Variants in EXOC2 observed in about 807,000 individuals in gnomAD.
EXOC2 encodes exocyst complex component 2, also known as SEC5-like 1.
In EXOC2, 70 loss-of-function variants were observed where a neutral mutation model predicts 131.8. The ratio of observed to expected loss-of-function variants is 0.53; its 90% confidence interval spans 0.44 to 0.65. The LOEUF is 0.65. EXOC2 is among the 30% of genes least tolerant of loss of function. The probability of loss-of-function intolerance (pLI) is 0.00; values close to 1 mark genes in which losing one functional copy is unlikely to be tolerated. For synonymous variants in EXOC2, 411 were observed against 398.4 expected (o/e 1.03, Z -0.38); for missense variants, 923 against 1,108.6 (o/e 0.83, Z 2.38).
At chr6:690,510 GGATCGCGACGGTGAAACCCC>G (rs1764872043) in intron 1 of EXOC2, among the ~76,000 whole-genome samples, 1 of 152,030 alleles carries the variant, frequency 6.6e-6, no homozygotes, top group Non-Finnish European at 1.5e-5. Context: ...ACCGTCACGA[GGATCGCGACGGTGAAACCCC>G]GTCTCTACTA....
At chr6:564,451 A>G (rs1309040042) in intron 15 of EXOC2, 94 bp downstream of exon 15, 11 of 1,503,052 alleles carry the variant, frequency 7.3e-6, no homozygotes, top group Admixed American at 1.9e-5. Flanking sequence ...AAGAAGAAAA[A>G]GAAGAATTTC....
chr6:528,055 A>G (rs1041421184), intron 23 of EXOC2, among the ~76,000 whole-genome samples: 2 of 152,256 alleles, frequency 1.3e-5, no homozygotes, highest in Non-Finnish European at 2.9e-5. Flanking sequence ...AAATCTTAAC[A>G]GCAGTTTTGT....
intron 6 of EXOC2, among the ~76,000 whole-genome samples, chr6:617,031 A>G (rs1761048989): frequency 6.6e-6 from 1 of 152,198 alleles, no homozygotes; most frequent in Non-Finnish European, 1.5e-5. Flanking sequence ...TGTGGCCTCA[A>G]TGCATGGTTA....
At chr6:563,136 T>C (rs552461259) in intron 16 of EXOC2, among the ~76,000 whole-genome samples, 9 of 152,362 alleles carry the variant, frequency 5.9e-5, no homozygotes, top group Non-Finnish European at 1.0e-4. Context: ...TTATTACTTA[T>C]TCAGGATTCT....
intron 25 of EXOC2, among the ~76,000 whole-genome samples, chr6:496,941 G>T (rs926975375): frequency 6.6e-6 from 1 of 152,196 alleles, no homozygotes; most frequent in Admixed American, 6.5e-5. Context: ...AAGTCAACTG[G>T]TGTTTACGGC....
intron 22 of EXOC2, among the ~76,000 whole-genome samples, chr6:533,829 G>C (rs890058886): frequency 2.0e-5 from 3 of 152,138 alleles, no homozygotes; most frequent in Non-Finnish European, 1.5e-5. Flanking sequence ...GCCTGAGAGG[G>C]ATAGGCTTCT....
intron 25 of EXOC2, among the ~76,000 whole-genome samples, chr6:496,078 C>T (rs1361618559): frequency 1.3e-5 from 2 of 151,762 alleles, no homozygotes; most frequent in Non-Finnish European, 2.9e-5. Context: ...ATTTCTCCGC[C>T]GAGATTTCCC....
intron 14 of EXOC2, 67 bp from the exon 15 acceptor site, chr6:564,769 T>C: frequency 6.3e-7 from 1 of 1,575,360 alleles, no homozygotes; most frequent in Non-Finnish European, 8.6e-7. Flanking sequence ...AACTAAAAGA[T>C]GCTGCCTGGG....
At chr6:517,762 T>C (rs891188544) in intron 23 of EXOC2, among the ~76,000 whole-genome samples, 20 of 152,130 alleles carry the variant, frequency 1.3e-4, no homozygotes, top group Non-Finnish European at 2.9e-5. Flanking sequence ...AAGTAAACAA[T>C]ATAAAATCAA....
intron 6 of EXOC2, among the ~76,000 whole-genome samples, chr6:615,309 C>A (rs1483728687): frequency 6.6e-6 from 1 of 151,954 alleles, no homozygotes; most frequent in African/African-American, 2.4e-5. Flanking sequence ...GTTCAGGAGA[C>A]CCCAGACACG....
At chr6:659,790 C>T (rs1000721571) in intron 1 of EXOC2, among the ~76,000 whole-genome samples, 2 of 152,194 alleles carry the variant, frequency 1.3e-5, no homozygotes, top group African/African-American at 2.4e-5. Flanking sequence ...GCAGGGGGTA[C>T]AACTCCACAG....
At position 597,884 on chromosome 6, in the gene EXOC2, A is replaced by G. The variant is rs146333278; in HGVS notation, c.1073+137T>C. 225 of 612,206 alleles carry G rather than the reference A, an allele frequency of 3.7e-4. 1 individual carries two copies. Among genetic ancestry groups the G allele is most frequent in the African/African-American group, 3.6e-3 (194 of 53,470 alleles). 37.9% of individuals were successfully genotyped at this position (612,206 alleles called of 1,614,324 possible). A position where few individuals can be genotyped will look rare whatever the true frequency, so the allele number is the denominator to read the frequency against. On this transcript the variant is annotated intron_variant, in intron 10 of 27. Coordinates refer to ENST00000230449, the MANE Select transcript of EXOC2 (RefSeq NM_018303.6). Reference sequence around the variant, plus strand: ...TTGATGTCCTACGCCAGATAACCCTAAATTTCTGCTATTTGTCTTCCCCTT... The same window carrying G: ...TTGATGTCCTACGCCAGATAACCCTGAATTTCTGCTATTTGTCTTCCCCTT...
chr6:504,691 AACAG>A (rs1350889617), intron 23 of EXOC2, among the ~76,000 whole-genome samples: 2 of 152,202 alleles, frequency 1.3e-5, no homozygotes, highest in African/African-American at 4.8e-5. Context: ...TACTCTGCGA[AACAG>A]ACAGATCACG....
At position 499,650 on chromosome 6, in the gene EXOC2, C is replaced by T. The variant is rs143224673; in HGVS notation, c.2431G>A (p.Ala811Thr). ...AACATCTAATGATACTTTACCTCTG[C>T]ATGCACGGCAATTATATTCACCAGT... ...EALVNIIAVH[A>T]EVFTISKELV... Residue 811 changes from alanine (A) to threonine (T), a missense_variant, in exon 24 of 28, where the codon GCA becomes ACA. By Grantham distance (58) the Ala-to-Thr change is moderately conservative (BLOSUM62 0). Coordinates refer to ENST00000230449, the MANE Select transcript of EXOC2 (RefSeq NM_018303.6). The T allele has an allele frequency of 1.1e-4, 174 of 1,613,132 alleles. 1 individual carries two copies. The highest frequency in any genetic ancestry group is 1.7e-4 in the Admixed American group (10 of 59,986).
intron 4 of EXOC2, among the ~76,000 whole-genome samples, chr6:620,878 T>G (rs1761254941): frequency 6.6e-6 from 1 of 152,208 alleles, no homozygotes; most frequent in South Asian, 2.1e-4. Context: ...GGCCTGTGCC[T>G]GGTACTGCCA....
In EXOC2 at chr6:555,287, A is replaced by T; in HGVS notation, c.1994T>A (p.Val665Asp). The change falls in exon 20 of 28, where the codon GTT (valine) becomes GAT (aspartate). Residue 665 changes from valine (V) to aspartate (D), a missense_variant and splice_region_variant. Coordinates refer to ENST00000230449, the MANE Select transcript of EXOC2 (RefSeq NM_018303.6). ...CAACTGTTCCAGACAGTATATAAAA[A>T]CCTAAGTGAAAACATAAGTTTCAGA... is the stretch of plus-strand genomic sequence containing the variant. ...VCQLSINIMQ[V>D]FIYCLEQLST... 6.6e-7 allele frequency: 1 copy of T among 1,517,546 alleles called. No homozygotes were observed. Among genetic ancestry groups the T allele is most frequent in the Admixed American group, 1.7e-5 (1 of 57,534 alleles). The allele number at this position is 1,517,546 out of a possible 1,614,324, so 94.0% of individuals were successfully genotyped here.
chr6:660,313 C>T (rs1048029851), intron 1 of EXOC2, among the ~76,000 whole-genome samples: 3 of 152,136 alleles, frequency 2.0e-5, no homozygotes, highest in African/African-American at 4.8e-5. Flanking sequence ...CTGGAAAGCA[C>T]CACCTCCTGG....
At chr6:559,961 T>C (rs1203348027) in intron 17 of EXOC2, among the ~76,000 whole-genome samples, 1 of 152,230 alleles carries the variant, frequency 6.6e-6, no homozygotes, top group Non-Finnish European at 1.5e-5. Flanking sequence ...CAGGTATGTC[T>C]AACCTGCCTG....
At chr6:639,876 C>G (rs1762278590) in intron 1 of EXOC2, among the ~76,000 whole-genome samples, 1 of 152,162 alleles carries the variant, frequency 6.6e-6, no homozygotes, top group Non-Finnish European at 1.5e-5. Context: ...CTCGCAGGAG[C>G]ATGGTTACCC....
Sources: allele counts gnomAD v4.1 joint callset (sites outside exome capture counted in the v4.1 genomes callset), GRCh38; gene constraint gnomAD v4.1.1; transcripts MANE v1.5; gene names NCBI Gene and HGNC (gene_info 2026-07-23, HGNC 2026-07-21).